SLC12A2: variants seen among roughly 807,000 people sequenced by gnomAD.
SLC12A2 encodes the protein solute carrier family 12 member 2.
SLC12A2 carries 67 observed loss-of-function variants against 136.3 expected under a neutral mutation model. That is an observed-to-expected ratio of 0.49 (90% CI 0.40 to 0.60). SLC12A2 has a LOEUF of 0.60. Ranked by LOEUF, SLC12A2 falls within the 20% of genes least tolerant of loss-of-function variation. The pLI, the probability that SLC12A2 is intolerant of heterozygous loss-of-function variation, is 0.00. For synonymous variants in SLC12A2, 619 were observed against 562.9 expected (o/e 1.10, Z -1.41); for missense variants, 1,322 against 1,534.7 (o/e 0.86, Z 2.32).
At chr5:128,162,556 A>G (rs1001448234) in intron 17 of SLC12A2, among the ~76,000 whole-genome samples, 6 of 152,308 alleles carry the variant, frequency 3.9e-5, no homozygotes, top group Admixed American at 3.9e-4. Flanking sequence ...TGAGTTCAGT[A>G]GTTTTGTAGT....
intron 1 of SLC12A2, among the ~76,000 whole-genome samples, chr5:128,091,971 G>A (rs1760340107): frequency 6.6e-6 from 1 of 152,162 alleles, no homozygotes; most frequent in East Asian, 1.9e-4. Context: ...CATCAGTTTA[G>A]TTTCAAACAG....
Position 128,114,658 on chromosome 5 carries a change from C to G in SLC12A2, c.1025C>G (p.Ala342Gly). 6.2e-7 allele frequency: 1 copy of G among 1,608,334 alleles called. No homozygotes were observed. Among genetic ancestry groups the G allele is most frequent in the Non-Finnish European group, 8.5e-7 (1 of 1,174,938 alleles). ...TITGLSTSAI[A>G]TNGFVRGGGA... ...ACAGGATTGTCTACTTCAGCAATAG[C>G]AACTAATGGATTTGTAAGAGGAGGT... is the stretch of plus-strand genomic sequence containing the variant. The change falls in exon 4 of 27, where the codon GCA (alanine) becomes GGA (glycine). Residue 342 changes from alanine to glycine, a missense_variant. Transcript: ENST00000262461.
At chr5:128,171,095 C>CA (rs765159997) in intron 18 of SLC12A2, 1,878 of 54,122 alleles carry the variant, frequency 0.035, 25 homozygotes, top group African/African-American at 0.081. Flanking sequence ...GACTCTGTCT[C>CA]AAAAAAAAAA....
At chr5:128,183,697 G>A (rs1279546545) in intron 24 of SLC12A2, among the ~76,000 whole-genome samples, 2 of 151,970 alleles carry the variant, frequency 1.3e-5, no homozygotes, top group Non-Finnish European at 2.9e-5. Flanking sequence ...CCTTCAAAAT[G>A]TTCTAGTACA....
intron 1 of SLC12A2, among the ~76,000 whole-genome samples, chr5:128,095,415 C>G (rs1322518056): frequency 1.3e-5 from 2 of 152,070 alleles, no homozygotes; most frequent in Non-Finnish European, 2.9e-5. Flanking sequence ...TTTTTGAAAC[C>G]AGGTCTCGGT....
In SLC12A2 at chr5:128,184,600, A is replaced by G. The variant is rs1763809510; in HGVS notation, c.3435+99A>G. On this transcript the variant is annotated intron_variant, in intron 25 of 26. Coordinates refer to ENST00000262461, the MANE Select transcript of SLC12A2 (RefSeq NM_001046.3). ...TATAGGAGGGTCAGTTGTATAAATG[A>G]ACTCTACTTTAAAATAGATTTATTT... The G allele has an allele frequency of 2.3e-6, 3 of 1,303,108 alleles. No individual in the cohort carries two copies. The Admixed American group carries it at 7.6e-5, about 33-fold the overall frequency. 80.7% of individuals were successfully genotyped at this position (1,303,108 alleles called of 1,614,324 possible). A position where few individuals can be genotyped will look rare whatever the true frequency, so the allele number is the denominator to read the frequency against.
chr5:128,126,826 A>G (rs953948224), intron 4 of SLC12A2, among the ~76,000 whole-genome samples: 2 of 150,602 alleles, frequency 1.3e-5, no homozygotes, highest in African/African-American at 2.4e-5. Flanking sequence ...ATTTAGTTCT[A>G]TTTCTGAGTT....
chr5:128,114,122 G>A, intron 2 of SLC12A2, 90 bp from the exon 3 acceptor site: 1 of 879,994 alleles, frequency 1.1e-6, no homozygotes, highest in Non-Finnish European at 1.8e-6. Context: ...AGTTTCAAAT[G>A]CATGTTCTAC....
chr5:128,087,658 G>A (rs1201605603), intron 1 of SLC12A2, among the ~76,000 whole-genome samples: 1 of 152,182 alleles, frequency 6.6e-6, no homozygotes, highest in Non-Finnish European at 1.5e-5. Flanking sequence ...GAAGAATTTT[G>A]TGTGGGGTAG....
intron 4 of SLC12A2, among the ~76,000 whole-genome samples, chr5:128,130,000 C>T (rs1331115678): frequency 1.3e-5 from 2 of 149,798 alleles, no homozygotes; most frequent in African/African-American, 4.9e-5. Context: ...AACTACATCT[C>T]TTTGGAATAC....
chr5:128,146,538 GTTT>G (rs148115807), intron 10 of SLC12A2, among the ~76,000 whole-genome samples: 5,745 of 141,360 alleles, frequency 0.041, 395 homozygotes, highest in African/African-American at 0.14. Flanking sequence ...TGTTGTTGGT[GTTT>G]TTTTTTTTTT....
chr5:128,095,096 GTTC>G (rs746667403), intron 1 of SLC12A2, among the ~76,000 whole-genome samples: 2 of 152,048 alleles, frequency 1.3e-5, no homozygotes, highest in Non-Finnish European at 2.9e-5. Flanking sequence ...AGAGTCTAAT[GTTC>G]TTCTAATTTT....
At chr5:128,089,045 G>A (rs1480523131) in intron 1 of SLC12A2, among the ~76,000 whole-genome samples, 2 of 151,962 alleles carry the variant, frequency 1.3e-5, no homozygotes, top group Non-Finnish European at 2.9e-5. Flanking sequence ...GCGCATGCCT[G>A]TAATCCCAGC....
chr5:128,180,127 G>A (rs1161496355), intron 22 of SLC12A2, among the ~76,000 whole-genome samples: 1 of 151,168 alleles, frequency 6.6e-6, no homozygotes, highest in Non-Finnish European at 1.5e-5. Context: ...CTGCCACCAT[G>A]CCCAGCTAAT....
At chr5:128,163,726 T>C (rs940861929) in intron 17 of SLC12A2, among the ~76,000 whole-genome samples, 6 of 152,116 alleles carry the variant, frequency 3.9e-5, no homozygotes, top group Non-Finnish European at 7.4e-5. Flanking sequence ...TTTTAAAAAG[T>C]ATATGAACAA....
In SLC12A2 at chr5:128,170,070, C is replaced by T. The variant is rs143379878; in HGVS notation, c.2724-1597C>T. 3.3e-5 allele frequency: 5 copies of T among 152,208 alleles called. No individual in the cohort carries two copies. The East Asian group carries it at 9.6e-4, about 29-fold the overall frequency. 9.4% of individuals were successfully genotyped at this position (152,208 alleles called of 1,614,324 possible). ...ATGTTTTAGCTGTGATTTTTAAATACCTTGTGCAATTTAAGTATGCTTTAT... is the reference window on the plus strand; with the variant it reads ...ATGTTTTAGCTGTGATTTTTAAATATCTTGTGCAATTTAAGTATGCTTTAT... On this transcript the variant is annotated intron_variant, in intron 18 of 26. Transcript: ENST00000262461.
intron 4 of SLC12A2, among the ~76,000 whole-genome samples, chr5:128,117,925 A>T (rs989031803): frequency 2.6e-5 from 4 of 152,198 alleles, no homozygotes; most frequent in Non-Finnish European, 4.4e-5. Flanking sequence ...GACAATTCTC[A>T]AAACAAGATG....
intron 10 of SLC12A2, among the ~76,000 whole-genome samples, chr5:128,147,083 T>A (rs1251811537): frequency 1.6e-5 from 1 of 64,094 alleles, no homozygotes; most frequent in Non-Finnish European, 2.6e-5. Flanking sequence ...ATGTGTAACC[T>A]TTTTTTTTTT....
intron 1 of SLC12A2, among the ~76,000 whole-genome samples, chr5:128,102,591 C>A (rs868104166): frequency 4.7e-5 from 6 of 126,570 alleles, no homozygotes; most frequent in Non-Finnish European, 1.0e-4. Context: ...CACCCCCCCC[C>A]CCGCCTTTTT....
Sources: allele counts gnomAD v4.1 joint callset (sites outside exome capture counted in the v4.1 genomes callset), GRCh38; gene constraint gnomAD v4.1.1; transcripts MANE v1.5; gene names NCBI Gene and HGNC (gene_info 2026-07-23, HGNC 2026-07-21).